Variants in CNTNAP2 observed in about 807,000 individuals in gnomAD.
The protein encoded by CNTNAP2 is contactin-associated protein-like 2.
In CNTNAP2, 98 loss-of-function variants were observed where a neutral mutation model predicts 155.2. The observed-to-expected ratio is 0.63, with a 90% CI of 0.54 to 0.75. The LOEUF is 0.75. Ranked by LOEUF, CNTNAP2 falls within the 30% of genes least tolerant of loss-of-function variation. CNTNAP2 has a pLI of 0.00. For synonymous variants in CNTNAP2, 651 were observed against 631.2 expected, an observed-to-expected ratio of 1.03 and a Z score of -0.47; for missense variants, 1,727 against 1,688.1, an observed-to-expected ratio of 1.02 and a Z score of -0.40.
intron 9 of CNTNAP2, among the ~76,000 whole-genome samples, chr7:147,368,439 C>T (rs375944114): frequency 2.0e-5 from 3 of 152,026 alleles, no homozygotes; most frequent in African/African-American, 7.2e-5. Flanking sequence ...TTAAATAGTA[C>T]TTTTGTACTT....
chr7:146,345,985 G>A lies in CNTNAP2; in HGVS notation c.97+229012G>A, dbSNP rs754784998. Among the ~76,000 whole-genome samples, 8 of 152,102 alleles carry A rather than the reference G, an allele frequency of 5.3e-5. No homozygotes were observed. The East Asian group carries it at 9.7e-4, about 18-fold the overall frequency. The stretch of plus-strand genomic sequence containing the variant: ...TTATTGAGTGCTTATTAAGACCTCC[G>A]CAAAGCTCTGCCTCTGTATAAATGA... On this transcript the variant is annotated intron_variant, in intron 1 of 23. Coordinates refer to ENST00000361727, the MANE Select transcript of CNTNAP2 (RefSeq NM_014141.6).
intron 3 of CNTNAP2, among the ~76,000 whole-genome samples, chr7:146,921,553 G>A (rs1286898278): frequency 6.6e-6 from 1 of 152,122 alleles, no homozygotes; most frequent in Non-Finnish European, 1.5e-5. Context: ...TAATCATGGT[G>A]GAAGGCAAAG....
At chr7:146,967,010 A>G (rs552683864) in intron 3 of CNTNAP2, among the ~76,000 whole-genome samples, 3 of 152,216 alleles carry the variant, frequency 2.0e-5, no homozygotes, top group East Asian at 1.9e-4. Flanking sequence ...GAAACGGTGC[A>G]CAGTAGTTGA....
chr7:146,210,877 C>T (rs371534267), intron 1 of CNTNAP2, among the ~76,000 whole-genome samples: 39 of 151,102 alleles, frequency 2.6e-4, no homozygotes, highest in Middle Eastern at 3.4e-3. Flanking sequence ...TAACCCTGGA[C>T]GGTCATCTCA....
intron 1 of CNTNAP2, among the ~76,000 whole-genome samples, chr7:146,643,899 A>G (rs1799760514): frequency 6.6e-6 from 1 of 151,608 alleles, no homozygotes; most frequent in Non-Finnish European, 1.5e-5. Context: ...TTGGATTCCT[A>G]GGTATTTTAT....
chr7:147,618,544 A>G (rs1481538289), intron 12 of CNTNAP2, among the ~76,000 whole-genome samples: 1 of 147,330 alleles, frequency 6.8e-6, no homozygotes, highest in East Asian at 1.9e-4. Context: ...TTTTCATTAG[A>G]CTCAGCTCAT....
At chr7:146,959,476 T>G (rs796915031) in intron 3 of CNTNAP2, among the ~76,000 whole-genome samples, 21 of 151,930 alleles carry the variant, frequency 1.4e-4, no homozygotes, top group African/African-American at 5.1e-4. Flanking sequence ...TCCCAGCACT[T>G]CGGGAGGCTG....
intron 10 of CNTNAP2, among the ~76,000 whole-genome samples, chr7:147,446,716 ACAT>A (rs1797746717): frequency 6.6e-6 from 1 of 152,270 alleles, no homozygotes; most frequent in Non-Finnish European, 1.5e-5. Context: ...ATTTCTCTTC[ACAT>A]CAGCTGGTAG....
intron 3 of CNTNAP2, among the ~76,000 whole-genome samples, chr7:146,851,461 C>T (rs1013891275): frequency 3.9e-5 from 6 of 151,924 alleles, no homozygotes; most frequent in Non-Finnish European, 8.8e-5. Context: ...CATAAAGTAC[C>T]ATAAACTGGG....
intron 8 of CNTNAP2, among the ~76,000 whole-genome samples, chr7:147,169,157 A>C (rs1311952472): frequency 6.6e-6 from 1 of 152,136 alleles, no homozygotes; most frequent in Non-Finnish European, 1.5e-5. Flanking sequence ...TATCTATACG[A>C]CTCTAATGAA....
At chr7:147,602,411 CA>C (rs1800966665) in intron 12 of CNTNAP2, among the ~76,000 whole-genome samples, 1 of 149,404 alleles carries the variant, frequency 6.7e-6, no homozygotes, top group Non-Finnish European at 1.5e-5. Context: ...CCAATATATC[CA>C]AAATATTACC....
chr7:148,209,019 C>T (rs1402036723), intron 18 of CNTNAP2, among the ~76,000 whole-genome samples: 2 of 152,102 alleles, frequency 1.3e-5, no homozygotes, highest in Non-Finnish European at 2.9e-5. Flanking sequence ...TTGTAAATAC[C>T]ATCATAAAAA....
intron 8 of CNTNAP2, among the ~76,000 whole-genome samples, chr7:147,160,051 T>A (rs1801998168): frequency 6.6e-6 from 1 of 152,100 alleles, no homozygotes; most frequent in African/African-American, 2.4e-5. Context: ...AAAGGTTTGC[T>A]TGGATAAGTT....
intron 9 of CNTNAP2, among the ~76,000 whole-genome samples, chr7:147,357,381 C>T (rs150484352): frequency 4.7e-4 from 71 of 152,186 alleles, no homozygotes; most frequent in African/African-American, 1.6e-3. Context: ...TTGTGGAGCT[C>T]GGCTTCAGGA....
At chr7:146,199,683 C>A (rs1229851367) in intron 1 of CNTNAP2, among the ~76,000 whole-genome samples, 2 of 152,100 alleles carry the variant, frequency 1.3e-5, no homozygotes, top group Non-Finnish European at 2.9e-5. Context: ...TTTACCCCCA[C>A]CTTTTAAAGG....
chr7:146,133,262 T>G (rs922633159), intron 1 of CNTNAP2, among the ~76,000 whole-genome samples: 12 of 151,516 alleles, frequency 7.9e-5, no homozygotes, highest in African/African-American at 2.7e-4. Flanking sequence ...ATGGAGTTGT[T>G]TGTTTTTTTC....
intron 3 of CNTNAP2, among the ~76,000 whole-genome samples, chr7:146,915,284 T>C (rs1036278586): frequency 2.0e-5 from 3 of 152,166 alleles, no homozygotes; most frequent in Admixed American, 2.0e-4. Context: ...AGTCTTGCTT[T>C]GGCTGTGCAG....
At chr7:146,292,940 T>C (rs1458216355) in intron 1 of CNTNAP2, among the ~76,000 whole-genome samples, 2 of 152,100 alleles carry the variant, frequency 1.3e-5, no homozygotes, top group Non-Finnish European at 2.9e-5. Flanking sequence ...AAATACATTA[T>C]TCTTTGGGAT....
At chr7:147,995,813 T>C (rs1318173326) in intron 15 of CNTNAP2, among the ~76,000 whole-genome samples, 2 of 152,016 alleles carry the variant, frequency 1.3e-5, no homozygotes, top group Non-Finnish European at 2.9e-5. Context: ...GTGCCCGGCC[T>C]CCCTGTCCGA....
Sources: allele counts gnomAD v4.1 joint callset (sites outside exome capture counted in the v4.1 genomes callset), GRCh38; gene constraint gnomAD v4.1.1; transcripts MANE v1.5; gene names NCBI Gene and HGNC (gene_info 2026-07-23, HGNC 2026-07-21).